TMEM243: variants seen among roughly 807,000 people sequenced by gnomAD.
The protein encoded by TMEM243 is transmembrane protein 243.
A neutral mutation model predicts 15.0 loss-of-function variants in TMEM243; 20 were observed. The ratio of observed to expected loss-of-function variants is 1.33; its 90% CI spans 0.94 to 1.93. The LOEUF is 1.93. Among genes scored for constraint, TMEM243 ranks in the 30% most tolerant of loss-of-function variants. The pLI is 0.00. For missense variants in TMEM243, 156 were observed against 142.1 expected (o/e 1.10, Z -0.50); for synonymous variants, 72 against 52.7 (o/e 1.37, Z -1.59).
Position 87,211,856 on chromosome 7 carries a change from G to A in TMEM243, c.78+7570C>T, listed in dbSNP as rs185586979. 2.7e-3 allele frequency among the ~76,000 whole-genome samples: 414 copies of A among 152,266 alleles called. 2 individuals are homozygous for A. Among genetic ancestry groups the A allele is most frequent in the Admixed American group, 4.1e-3 (62 of 15,286 alleles). ...TCACTGGCTAACTCTAGGACGCCGC[G>A]AATTATGACCCATAGGTACTACTGC... is the stretch of plus-strand genomic sequence containing the variant. On this transcript the variant is annotated intron_variant, in intron 1 of 3. Coordinates refer to ENST00000257637, the MANE Select transcript of TMEM243 (RefSeq NM_024315.4).
At chr7:87,212,725 T>C (rs1157023522) in intron 1 of TMEM243, among the ~76,000 whole-genome samples, 3 of 152,190 alleles carry the variant, frequency 2.0e-5, no homozygotes, top group African/African-American at 7.2e-5. Context: ...GCTCAGAATG[T>C]CCCAAGAATG....
At chr7:87,209,956 CAGAGGA>C (rs1222249041) in intron 1 of TMEM243, among the ~76,000 whole-genome samples, 3 of 98,222 alleles carry the variant, frequency 3.1e-5, no homozygotes, top group Non-Finnish European at 6.0e-5. Context: ...GACAGAGAGA[CAGAGGA>C]GGGGGAGGGG....
chr7:87,209,456 CAGACAGAGTG>C (rs1562884189), intron 1 of TMEM243, among the ~76,000 whole-genome samples: 2 of 147,564 alleles, frequency 1.4e-5, no homozygotes, highest in African/African-American at 2.5e-5. Flanking sequence ...GACAGTGAGA[CAGACAGAGTG>C]AGACAGAGAG....
At chr7:87,211,425 G>A (rs1175405854) in intron 1 of TMEM243, among the ~76,000 whole-genome samples, 1 of 152,198 alleles carries the variant, frequency 6.6e-6, no homozygotes, top group Non-Finnish European at 1.5e-5. Flanking sequence ...TACCTGGACT[G>A]AGTGATTCAG....
At position 87,196,549 on chromosome 7, in the gene TMEM243, A is replaced by ATTCTTCAGCATACCT; in HGVS notation, c.*72_*86dup. 7.6e-7 allele frequency: 1 copy of ATTCTTCAGCATACCT among 1,308,722 alleles called. No individual in the cohort carries two copies. Among genetic ancestry groups the ATTCTTCAGCATACCT allele is most frequent in the East Asian group, 2.5e-5 (1 of 39,656 alleles). 81.1% of individuals were successfully genotyped at this position (1,308,722 alleles called of 1,614,324 possible). A position where few individuals can be genotyped will look rare whatever the true frequency, so the allele number is the denominator to read the frequency against. ...ATCATGTATCAGACTTCTGCAGGAGATTCTTCAGCATACCTTATCCAAAAA... is the reference window on the plus strand; with the variant it reads ...ATCATGTATCAGACTTCTGCAGGAGATTCTTCAGCATACCTTTCTTCAGCATACCTTATCCAAAAA... On this transcript the variant is annotated 3_prime_UTR_variant, in exon 4 of 4. Transcript: ENST00000257637.
intron 1 of TMEM243, among the ~76,000 whole-genome samples, chr7:87,217,848 A>T (rs1803221957): frequency 6.6e-6 from 1 of 152,244 alleles, no homozygotes; most frequent in Non-Finnish European, 1.5e-5. Context: ...AACTGAAATC[A>T]TTGGACGTTT....
chr7:87,203,006 C>CA (rs1157795642), intron 1 of TMEM243: 2 of 152,272 alleles, frequency 1.3e-5, no homozygotes, highest in African/African-American at 2.4e-5. Context: ...AACTAAAACT[C>CA]AAATGATCAG....
At position 87,196,637 on chromosome 7, in the gene TMEM243, C is replaced by G. The variant is rs754107238; in HGVS notation, c.356G>C (p.Ter119SerextTer19). ...GGTAAGTACTTCTCCTTGGCAGCCT[C>G]ACCTTCCCACATCATGGAAGTACAG... ...ANLYFHDVGR[*>S] is the part of the protein sequence containing the mutation. The change falls in exon 4 of 4, where the codon TGA becomes TCA. Residue 119 changes from the stop codon to serine (S), a stop_lost. Transcript: ENST00000257637. 1 of 1,608,066 alleles carries G rather than the reference C, an allele frequency of 6.2e-7. No individual in the cohort carries two copies. Among genetic ancestry groups the G allele is most frequent in the Non-Finnish European group, 8.5e-7 (1 of 1,177,462 alleles).
chr7:87,198,677 G>A (rs1332820006), intron 2 of TMEM243: 1 of 365,236 alleles, frequency 2.7e-6, no homozygotes, highest in Non-Finnish European at 5.0e-6. Context: ...AAAGGGTAAT[G>A]GATATGTTCT....
intron 2 of TMEM243, chr7:87,198,321 G>A: frequency 3.1e-6 from 1 of 322,156 alleles, no homozygotes; most frequent in East Asian, 5.5e-5. Context: ...CTCACTCCCA[G>A]GATTAATGAT....
intron 2 of TMEM243, chr7:87,198,736 T>C: frequency 4.2e-6 from 2 of 477,298 alleles, no homozygotes; most frequent in South Asian, 5.5e-5. Flanking sequence ...CAGAAGGAAG[T>C]GGCTACTAGC....
At chr7:87,203,526 G>GATCA (rs1801977980) in intron 1 of TMEM243, among the ~76,000 whole-genome samples, 1 of 151,436 alleles carries the variant, frequency 6.6e-6, no homozygotes, top group Non-Finnish European at 1.5e-5. Context: ...GAGGTGGGAG[G>GATCA]ATCACTTGAG....
intron 2 of TMEM243, 90 bp downstream of exon 2, chr7:87,198,917 A>G: frequency 8.4e-7 from 1 of 1,187,228 alleles, no homozygotes; most frequent in Non-Finnish European, 1.2e-6. Context: ...AAAAGCACTT[A>G]TTTAGCTTTT....
At chr7:87,206,219 C>CTAAA (rs1032103688) in intron 1 of TMEM243, among the ~76,000 whole-genome samples, 3 of 151,756 alleles carry the variant, frequency 2.0e-5, no homozygotes, top group African/African-American at 7.3e-5. Context: ...ATTATGGGAG[C>CTAAA]TAAAATTCAA....
intron 1 of TMEM243, among the ~76,000 whole-genome samples, chr7:87,205,407 A>G (rs900808751): frequency 1.4e-5 from 2 of 143,138 alleles, no homozygotes; most frequent in Admixed American, 1.4e-4. Flanking sequence ...TTTTTGTTCT[A>G]TTGTACTGTC....
chr7:87,215,928 CACTA>C (rs1803081556), intron 1 of TMEM243, among the ~76,000 whole-genome samples: 1 of 151,962 alleles, frequency 6.6e-6, no homozygotes, highest in Non-Finnish European at 1.5e-5. Context: ...CGCTTGAGGC[CACTA>C]GTTTGAGACC....
intron 1 of TMEM243, among the ~76,000 whole-genome samples, chr7:87,214,349 C>G (rs1562888761): frequency 6.6e-6 from 1 of 152,118 alleles, no homozygotes; most frequent in East Asian, 1.9e-4. Flanking sequence ...CTAAAGAAAA[C>G]TTTTAAAGGT....
intron 1 of TMEM243, among the ~76,000 whole-genome samples, chr7:87,207,713 T>C (rs1303289618): frequency 1.3e-5 from 2 of 152,220 alleles, no homozygotes; most frequent in Non-Finnish European, 2.9e-5. Context: ...ACTCCATTTT[T>C]GGTGTTACTT....
At chr7:87,198,651 C>T (rs1801559091) in intron 2 of TMEM243, 1 of 301,818 alleles carries the variant, frequency 3.3e-6, no homozygotes, top group African/African-American at 2.3e-5. Context: ...GTGACCAAAT[C>T]TTTTAAAACT....
Sources: gnomAD v4.1 joint callset for allele counts (sites outside exome capture counted in the v4.1 genomes callset) on GRCh38, gnomAD v4.1.1 for gene constraint, MANE v1.5 for transcripts, NCBI Gene and HGNC (gene_info 2026-07-23, HGNC 2026-07-21) for gene names.